ZNF585B: variants seen among roughly 807,000 people sequenced by gnomAD.
ZNF585B encodes zinc finger protein 41-like protein.
In ZNF585B, 7 loss-of-function variants were observed where a neutral mutation model predicts 14.0. The observed-to-expected ratio is 0.50, with a 90% CI of 0.28 to 0.94. ZNF585B has a LOEUF of 0.94. Among genes scored for constraint, ZNF585B ranks in the 40% least tolerant of loss-of-function variants. The probability of loss-of-function intolerance (pLI) is 0.09; values close to 1 mark genes in which losing one functional copy is unlikely to be tolerated. For synonymous variants in ZNF585B, 290 were observed against 317.3 expected (o/e 0.91, Z 0.91); for missense variants, 750 against 924.4 (o/e 0.81, Z 2.45).
At chr19:37,197,690 G>A (rs1972482487) in intron 2 of ZNF585B, among the ~76,000 whole-genome samples, 1 of 152,138 alleles carries the variant, frequency 6.6e-6, no homozygotes, top group Non-Finnish European at 1.5e-5. Flanking sequence ...GCGTGAGATG[G>A]TATCTCATTG....
At chr19:37,199,065 T>G in intron 2 of ZNF585B, 1 of 1,420,814 alleles carries the variant, frequency 7.0e-7, no homozygotes, top group East Asian at 2.5e-5. Flanking sequence ...CTGAAAAGAA[T>G]ATACATGTTC....
chr19:37,200,535 G>T lies in ZNF585B; in HGVS notation c.72+6505C>A, dbSNP rs1241792344. The stretch of plus-strand genomic sequence containing the variant: ...ACTACACTCCAGCCTGGGTGACAGA[G>T]CAAGATTCTGTCTCAAAAAAAAAAA... On this transcript the variant is annotated intron_variant, in intron 2 of 4. Coordinates refer to ENST00000532828, the MANE Select transcript of ZNF585B (RefSeq NM_152279.4). Among the ~76,000 whole-genome samples, 9 of 123,022 alleles carry T rather than the reference G, an allele frequency of 7.3e-5. 1 individual carries two copies. Among genetic ancestry groups the T allele is most frequent in the Non-Finnish European group, 3.2e-5 (2 of 62,262 alleles). The allele number at this position is 123,022 out of a possible 152,430, so 80.7% of individuals were successfully genotyped here. A position where few individuals can be genotyped will look rare whatever the true frequency, so the allele number is the denominator to read the frequency against.
Position 37,189,703 on chromosome 19 carries a change from G to T in ZNF585B, c.250C>A (p.Pro84Thr). The change falls in exon 4 of 5, where the codon CCA (proline) becomes ACA (threonine). Residue 84 changes from proline (P) to threonine (T), a missense_variant. By Grantham distance (38) the Pro-to-Thr change is conservative. This residue lies in a region of ZNF585B where 517 missense variants were observed against 570.3 expected (regional missense o/e 0.91). Transcript: ENST00000532828. The part of the protein sequence containing the change: ...EVVMLEQGKE[P>T]WALQGERPRH... Reference sequence around the variant, plus strand: ...GGCCTCTCACCCTGCAGTGCCCATGGTTCCTTTCCTTGCTCCAACATGACC... The same window carrying T: ...GGCCTCTCACCCTGCAGTGCCCATGTTTCCTTTCCTTGCTCCAACATGACC... 6 of 1,613,736 alleles carry T rather than the reference G, an allele frequency of 3.7e-6. No homozygotes were observed. Among genetic ancestry groups the T allele is most frequent in the Non-Finnish European group, 5.1e-6 (6 of 1,180,014 alleles).
At chr19:37,201,144 G>A (rs1972527361) in intron 2 of ZNF585B, among the ~76,000 whole-genome samples, 1 of 151,306 alleles carries the variant, frequency 6.6e-6, no homozygotes, top group Admixed American at 6.6e-5. Flanking sequence ...AATGTACAAG[G>A]ACTCCAAAGG....
chr19:37,206,076 A>G (rs944183966), intron 2 of ZNF585B, among the ~76,000 whole-genome samples: 15 of 149,904 alleles, frequency 1.0e-4, no homozygotes, highest in Admixed American at 4.0e-4. Context: ...GCAAAACTCC[A>G]TCAATAAATA....
At chr19:37,199,502 G>C (rs1972507832) in intron 2 of ZNF585B, 1 of 452,170 alleles carries the variant, frequency 2.2e-6, no homozygotes, top group South Asian at 1.6e-5. Flanking sequence ...TCCAGCCTGA[G>C]GATAGAGTGA....
At chr19:37,205,779 G>T (rs2145446507) in intron 2 of ZNF585B, among the ~76,000 whole-genome samples, 1 of 152,108 alleles carries the variant, frequency 6.6e-6, no homozygotes, top group African/African-American at 2.4e-5. Flanking sequence ...AGATGGATAA[G>T]AAATAACAAT....
intron 2 of ZNF585B, among the ~76,000 whole-genome samples, chr19:37,206,588 G>A (rs1230638695): frequency 6.6e-6 from 1 of 152,168 alleles, no homozygotes; most frequent in Non-Finnish European, 1.5e-5. Flanking sequence ...ACCCAGAATG[G>A]ATAGCAGGAA....
rs1409570092 is a variant in ZNF585B at position 37,209,909 on chromosome 19, G to A, written c.-144+532C>T. ...TTTTTGTATTTTTAGTAGAGACGGG[G>A]TTTCACCGTGTTAGCAAGGATGGTC... On this transcript the variant is annotated intron_variant, in intron 1 of 4. Transcript: ENST00000532828. Among the ~76,000 whole-genome samples the A allele has an allele frequency of 1.3e-5, 2 of 151,814 alleles. 1 individual carries two copies.
chr19:37,206,970 G>A, intron 2 of ZNF585B, 70 bp downstream of exon 2: 1 of 1,592,242 alleles, frequency 6.3e-7, no homozygotes, highest in African/African-American at 1.3e-5. Flanking sequence ...CTGCCCTAAG[G>A]CTGTGGTGAC....
rs1447140465 is a variant in ZNF585B, at chr19:37,186,422, T to A, written c.1115A>T (p.His372Leu). ...TTTCTCTCCAGTGTGAATTCTCTGATGAATAATCAACTCTGACCTGTAGGT... is the reference window on the plus strand; with the variant it reads ...TTTCTCTCCAGTGTGAATTCTCTGAAGAATAATCAACTCTGACCTGTAGGT... The part of the protein sequence containing the change: ...AFTYRSELII[H>L]QRIHTGEKPY... Residue 372 changes from histidine (H) to leucine (L), a missense_variant, in exon 5 of 5, where the codon CAT becomes CTT. Coordinates refer to ENST00000532828, the MANE Select transcript of ZNF585B (RefSeq NM_152279.4). 2 of 1,614,184 alleles carry A rather than the reference T, an allele frequency of 1.2e-6. No individual in the cohort carries two copies. The highest frequency in any genetic ancestry group is 1.7e-6 in the Non-Finnish European group (2 of 1,180,002).
Position 37,186,548 on chromosome 19 carries a change from T to C in ZNF585B, c.989A>G (p.Glu330Gly). 6.2e-7 allele frequency: 1 copy of C among 1,614,228 alleles called. No homozygotes were observed. The highest frequency in any genetic ancestry group is 8.5e-7 in the Non-Finnish European group (1 of 1,180,034). ...HTRVKPYICT[E>G]YGKVFSNNSN... is the part of the protein sequence containing the mutation. ...ATTATTGCTGAAGACCTTCCCATAT[T>C]CGGTACATATATAGGGCTTCACTCT... The change falls in exon 5 of 5, where the codon GAA becomes GGA. Residue 330 changes from glutamate (E) to glycine (G), a missense_variant. Glu to Gly is a moderately conservative substitution (Grantham distance 98). Transcript: ENST00000532828.
At chr19:37,208,956 C>A (rs570213151) in intron 1 of ZNF585B, among the ~76,000 whole-genome samples, 1 of 151,484 alleles carries the variant, frequency 6.6e-6, no homozygotes, top group Non-Finnish European at 1.5e-5. Flanking sequence ...CACGGCATTG[C>A]ACTCCAGCCT....
At chr19:37,205,194 C>T (rs954016980) in intron 2 of ZNF585B, among the ~76,000 whole-genome samples, 1 of 152,132 alleles carries the variant, frequency 6.6e-6, no homozygotes, top group Admixed American at 6.6e-5. Flanking sequence ...AACGACCGTG[C>T]CCAGCCAACT....
At chr19:37,200,593 T>A (rs1411220259) in intron 2 of ZNF585B, among the ~76,000 whole-genome samples, 1 of 135,594 alleles carries the variant, frequency 7.4e-6, no homozygotes, top group Non-Finnish European at 1.6e-5. Flanking sequence ...CAAAGACAAG[T>A]GAGCAACATA....
chr19:37,209,416 A>G (rs966324186), intron 1 of ZNF585B, among the ~76,000 whole-genome samples: 4 of 152,048 alleles, frequency 2.6e-5, no homozygotes, highest in Non-Finnish European at 4.4e-5. Context: ...CATATCTAGC[A>G]ATACACTCAA....
chr19:37,184,428 A>AGG lies in ZNF585B; in HGVS notation c.*798_*799insCC, dbSNP rs1488260008. On this transcript the variant is annotated 3_prime_UTR_variant, in exon 5 of 5. Coordinates refer to ENST00000532828, the MANE Select transcript of ZNF585B (RefSeq NM_152279.4). ...AGAAAGAAAGAAAGAGAAAGAAAGA[A>AGG]AAAGAAAGAAAGAAGGAAAGAAAGA... is the stretch of plus-strand genomic sequence containing the variant. 5.7e-3 allele frequency: 298 copies of AGG among 52,448 alleles called. 15 individuals are homozygous for AGG. Among genetic ancestry groups the AGG allele is most frequent in the African/African-American group, 0.026 (256 of 9,872 alleles). The allele number at this position is 52,448 out of a possible 1,614,324, so 3.2% of individuals were successfully genotyped here.
Position 37,182,079 on chromosome 19 carries a change from T to C in ZNF585B, c.*3148A>G, listed in dbSNP as rs1164341921. On this transcript the variant is annotated 3_prime_UTR_variant, in exon 5 of 5. Transcript: ENST00000532828. ...TTGATGATGGGGGAGGCTGTGTATATGTGAGGGTAGGGGATATATGGGAAA... is the reference window on the plus strand; with the variant it reads ...TTGATGATGGGGGAGGCTGTGTATACGTGAGGGTAGGGGATATATGGGAAA... The C allele has an allele frequency of 1.3e-5, 2 of 152,144 alleles. No homozygotes were observed. Among genetic ancestry groups the C allele is most frequent in the Non-Finnish European group, 2.9e-5 (2 of 68,026 alleles). 9.4% of individuals were successfully genotyped at this position (152,144 alleles called of 1,614,324 possible). A position where few individuals can be genotyped will look rare whatever the true frequency, so the allele number is the denominator to read the frequency against.
chr19:37,184,416 G>GAGAAAGAAAGAAGGAA lies in ZNF585B; in HGVS notation c.*810_*811insTTCCTTCTTTCTTTCT, dbSNP rs1972299079. 1 of 67,942 alleles carries GAGAAAGAAAGAAGGAA rather than the reference G, an allele frequency of 1.5e-5. No individual in the cohort carries two copies. Among genetic ancestry groups the GAGAAAGAAAGAAGGAA allele is most frequent in the African/African-American group, 6.5e-5 (1 of 15,318 alleles). The allele number at this position is 67,942 out of a possible 1,614,324, so 4.2% of individuals were successfully genotyped here. A position where few individuals can be genotyped will look rare whatever the true frequency, so the allele number is the denominator to read the frequency against. ...AGAAAGAAAGAAAGAAAGAAAGAAA[G>GAGAAAGAAAGAAGGAA]AGAAAGAAAGAAAAAGAAAGAAAGA... On this transcript the variant is annotated 3_prime_UTR_variant, in exon 5 of 5. Coordinates refer to ENST00000532828, the MANE Select transcript of ZNF585B (RefSeq NM_152279.4).
Sources: allele counts gnomAD v4.1 joint callset (sites outside exome capture counted in the v4.1 genomes callset), GRCh38; gene constraint gnomAD v4.1.1; regional missense constraint gnomAD v4.1.1; transcripts MANE v1.5; gene names NCBI Gene and HGNC (gene_info 2026-07-23, HGNC 2026-07-21).